Variants in POU6F2 observed in about 807,000 individuals in gnomAD.
POU6F2 encodes the protein POU domain, class 6, transcription factor 2.
In POU6F2, 31 loss-of-function variants were observed where a neutral mutation model predicts 71.3. The ratio of observed to expected loss-of-function variants is 0.43; its 90% CI spans 0.33 to 0.59. The LOEUF is 0.59. Ranked by LOEUF, POU6F2 falls within the 20% of genes least tolerant of loss-of-function variation. POU6F2 has a pLI of 0.04. For missense variants in POU6F2, 783 were observed against 856.8 expected (o/e 0.91, Z 1.07); for synonymous variants, 347 against 355.7 (o/e 0.98, Z 0.27).
chr7:39,324,382 TG>T, intron 4 of POU6F2, among the ~76,000 whole-genome samples: 1 of 152,298 alleles, frequency 6.6e-6, no homozygotes, highest in South Asian at 2.1e-4. Context: ...GAGAAAGTGA[TG>T]GGGGCTACTT....
At chr7:39,423,438 T>A (rs3819422) in intron 6 of POU6F2, among the ~76,000 whole-genome samples, 24 of 151,950 alleles carry the variant, frequency 1.6e-4, no homozygotes, top group Admixed American at 1.6e-3. Flanking sequence ...CCTGCCCCCA[T>A]GCCAGGCACA....
intron 1 of POU6F2, among the ~76,000 whole-genome samples, chr7:38,996,232 G>A (rs1221320030): frequency 6.6e-6 from 1 of 151,686 alleles, no homozygotes; most frequent in Admixed American, 6.6e-5. Flanking sequence ...GTAAAGATGG[G>A]GTTTCACCAT....
chr7:39,098,182 A>G (rs1481587793), intron 2 of POU6F2, among the ~76,000 whole-genome samples: 3 of 151,368 alleles, frequency 2.0e-5, no homozygotes, highest in Non-Finnish European at 4.4e-5. Context: ...TGTCTTATAT[A>G]TTTTTTATTT....
At chr7:39,180,225 G>C (rs1793410628) in intron 2 of POU6F2, among the ~76,000 whole-genome samples, 1 of 152,144 alleles carries the variant, frequency 6.6e-6, no homozygotes, top group Non-Finnish European at 1.5e-5. Context: ...GAGAGCCAAA[G>C]CAAACTAGCA....
chr7:39,016,605 T>C (rs1405959832), intron 1 of POU6F2, among the ~76,000 whole-genome samples: 1 of 151,938 alleles, frequency 6.6e-6, no homozygotes, highest in Non-Finnish European at 1.5e-5. Flanking sequence ...CAAAGTCAAA[T>C]ATTTATATTT....
chr7:39,196,135 G>A (rs564183557), intron 2 of POU6F2, among the ~76,000 whole-genome samples: 35 of 152,256 alleles, frequency 2.3e-4, no homozygotes, highest in African/African-American at 7.2e-4. Context: ...ACAGTGATTC[G>A]GCGGCCAGCC....
At chr7:39,459,274 A>G (rs1300523368) in intron 8 of POU6F2, among the ~76,000 whole-genome samples, 1 of 152,224 alleles carries the variant, frequency 6.6e-6, no homozygotes, top group South Asian at 2.1e-4. Flanking sequence ...ATAAAAGACA[A>G]TCTATACCTG....
At chr7:39,187,580 A>G (rs994389513) in intron 2 of POU6F2, among the ~76,000 whole-genome samples, 1 of 152,210 alleles carries the variant, frequency 6.6e-6, no homozygotes, top group Non-Finnish European at 1.5e-5. Context: ...GCTACCAGCA[A>G]CAGTAGCATG....
At chr7:39,163,735 T>G (rs767069469) in intron 2 of POU6F2, among the ~76,000 whole-genome samples, 2 of 152,202 alleles carry the variant, frequency 1.3e-5, no homozygotes, top group Non-Finnish European at 2.9e-5. Flanking sequence ...GTAGCACTAT[T>G]TACAATAGAT....
chr7:39,358,976 A>G (rs1298346737), intron 5 of POU6F2, among the ~76,000 whole-genome samples: 2 of 152,092 alleles, frequency 1.3e-5, no homozygotes, highest in Non-Finnish European at 2.9e-5. Context: ...TCTTCTTGGC[A>G]GCATGTTAAA....
chr7:39,429,848 A>G (rs1788057309), intron 6 of POU6F2, among the ~76,000 whole-genome samples: 2 of 152,244 alleles, frequency 1.3e-5, no homozygotes, highest in African/African-American at 2.4e-5. Context: ...TTCCTGATTT[A>G]GTTGAAACAT....
intron 4 of POU6F2, among the ~76,000 whole-genome samples, chr7:39,231,780 G>A (rs1794580366): frequency 6.6e-6 from 1 of 151,996 alleles, no homozygotes. Context: ...ATGACTGTGT[G>A]CGCCCCACTG....
rs760729180 is a variant in POU6F2, at chr7:39,468,408, T to A, written c.*3722T>A. 3.3e-5 allele frequency: 5 copies of A among 152,018 alleles called. No homozygotes were observed. Among genetic ancestry groups the A allele is most frequent in the Admixed American group, 6.5e-5 (1 of 15,278 alleles). 9.4% of individuals were successfully genotyped at this position (152,018 alleles called of 1,614,324 possible). A position where few individuals can be genotyped will look rare whatever the true frequency, so the allele number is the denominator to read the frequency against. ...CCAAACTGAATATTTAAAAGCTCCT[T>A]ACTTGCTCTGACATTGAAACCAAAG... On this transcript the variant is annotated 3_prime_UTR_variant, in exon 10 of 10. Coordinates refer to ENST00000518318, the MANE Select transcript of POU6F2 (RefSeq NM_001370959.1).
intron 1 of POU6F2, among the ~76,000 whole-genome samples, chr7:39,016,030 T>TG (rs1562671207): frequency 1.6e-5 from 1 of 61,222 alleles, no homozygotes; most frequent in Non-Finnish European, 3.1e-5. Context: ...ATATTATATA[T>TG]AGATATATAT....
intron 6 of POU6F2, among the ~76,000 whole-genome samples, chr7:39,413,083 C>T (rs1201850113): frequency 2.0e-5 from 3 of 151,530 alleles, no homozygotes; most frequent in South Asian, 2.1e-4. Context: ...GGATTACAGG[C>T]GTGAGCCACC....
intron 2 of POU6F2, among the ~76,000 whole-genome samples, chr7:39,180,831 C>A (rs1363910914): frequency 6.6e-6 from 1 of 152,190 alleles, no homozygotes; most frequent in African/African-American, 2.4e-5. Context: ...TGCTGACCCT[C>A]CTGCCAACCT....
chr7:39,176,485 T>C (rs1440786556), intron 2 of POU6F2, among the ~76,000 whole-genome samples: 2 of 152,212 alleles, frequency 1.3e-5, no homozygotes, highest in African/African-American at 4.8e-5. Flanking sequence ...TTTCATCTGA[T>C]GAATTCCCAT....
At chr7:39,383,358 A>AT (rs987109548) in intron 5 of POU6F2, among the ~76,000 whole-genome samples, 9 of 151,866 alleles carry the variant, frequency 5.9e-5, no homozygotes, top group Non-Finnish European at 1.0e-4. Context: ...CCAAACAGCT[A>AT]TTTTTTTTGT....
rs139924310 is a variant in POU6F2 at position 39,370,406 on chromosome 7, G to A, written c.972+30391G>A. 2.7e-3 allele frequency among the ~76,000 whole-genome samples: 404 copies of A among 152,336 alleles called. 1 individual carries two copies. Among genetic ancestry groups the A allele is most frequent in the African/African-American group, 9.1e-3 (380 of 41,572 alleles). On this transcript the variant is annotated intron_variant, in intron 5 of 9. Transcript: ENST00000518318. ...AAGAGGAGCCAACTGAGAACTGAAA[G>A]TGTCCAAGAGGACTTCCTTGAGGTT...
Sources: allele counts gnomAD v4.1 joint callset (sites outside exome capture counted in the v4.1 genomes callset), GRCh38; gene constraint gnomAD v4.1.1; transcripts MANE v1.5; gene names NCBI Gene and HGNC (gene_info 2026-07-23, HGNC 2026-07-21).